The following PDE8B variants were observed in gnomAD, a reference collection of about 807,000 sequenced individuals.
PDE8B encodes the protein high affinity cAMP-specific and IBMX-insensitive 3',5'-cyclic phosphodiesterase 8B.
Under a neutral mutation model 101.3 loss-of-function variants are expected in PDE8B, and 26 were observed. That is an observed-to-expected ratio of 0.26 (90% confidence interval 0.19 to 0.36). The LOEUF (loss-of-function observed/expected upper bound fraction) is 0.36. Among genes scored for constraint, PDE8B ranks in the 10% least tolerant of loss-of-function variants. The pLI, the probability that PDE8B is intolerant of heterozygous loss-of-function variation, is 1.00. For synonymous variants in PDE8B, 424 were observed against 429.3 expected, an observed-to-expected ratio of 0.99 and a Z score of 0.15; for missense variants, 810 against 1,163.1, an observed-to-expected ratio of 0.70 and a Z score of 4.42.
intron 1 of PDE8B, among the ~76,000 whole-genome samples, chr5:77,283,339 A>G (rs555484546): frequency 3.2e-4 from 49 of 152,268 alleles, no homozygotes; most frequent in Non-Finnish European, 6.2e-4. Context: ...CAACACTGAC[A>G]ACAACATAAT....
chr5:77,330,531 T>C (rs1289094553), intron 4 of PDE8B, among the ~76,000 whole-genome samples: 2 of 152,300 alleles, frequency 1.3e-5, no homozygotes, highest in East Asian at 3.9e-4. Context: ...AAGATAGAAT[T>C]TGGAGTTCCA....
the PDE8B span, chr5:77,142,401 A>G: frequency 6.6e-6 from 1 of 152,196 alleles, no homozygotes; most frequent in Non-Finnish European, 1.5e-5. Flanking sequence ...TGGAATCTTT[A>G]CCACAATCAA....
At chr5:77,360,932 T>C (rs1341902554) in intron 10 of PDE8B, among the ~76,000 whole-genome samples, 1 of 152,242 alleles carries the variant, frequency 6.6e-6, no homozygotes, top group Non-Finnish European at 1.5e-5. Context: ...TCATACTGAC[T>C]TGTGAGAACT....
the PDE8B span, among the ~76,000 whole-genome samples, chr5:77,119,822 G>C: frequency 3.9e-5 from 6 of 151,970 alleles, no homozygotes; most frequent in South Asian, 1.2e-3. Context: ...CCAGCCTGGG[G>C]AACATAGCAA....
At chr5:77,418,775 C>G (rs908377834) in intron 18 of PDE8B, among the ~76,000 whole-genome samples, 1 of 152,162 alleles carries the variant, frequency 6.6e-6, no homozygotes, top group African/African-American at 2.4e-5. Context: ...TGTATCCACC[C>G]CCATTTTTCC....
chr5:77,295,229 C>G (rs1365855701), intron 1 of PDE8B, among the ~76,000 whole-genome samples: 7 of 152,136 alleles, frequency 4.6e-5, no homozygotes, highest in Non-Finnish European at 8.8e-5. Context: ...AAACTGGACC[C>G]TCAAATATAA....
chr5:77,367,987 A>G (rs1429508421), intron 10 of PDE8B, among the ~76,000 whole-genome samples: 1 of 152,224 alleles, frequency 6.6e-6, no homozygotes, highest in Non-Finnish European at 1.5e-5. Flanking sequence ...GTCAGGGCCA[A>G]TGAGGCTGGC....
chr5:77,336,866 G>A (rs1005759944), intron 5 of PDE8B, among the ~76,000 whole-genome samples: 15 of 152,178 alleles, frequency 9.9e-5, no homozygotes, highest in African/African-American at 3.4e-4. Context: ...TTGATAATGT[G>A]GTGCACACTG....
intron 2 of PDE8B, among the ~76,000 whole-genome samples, chr5:77,322,754 A>G (rs927031692): frequency 2.0e-5 from 3 of 152,192 alleles, no homozygotes; most frequent in African/African-American, 7.2e-5. Context: ...CGGGTTTCAC[A>G]TAGCACCTGT....
intron 5 of PDE8B, among the ~76,000 whole-genome samples, chr5:77,336,268 C>T (rs1181869011): frequency 6.6e-6 from 1 of 152,098 alleles, no homozygotes; most frequent in South Asian, 2.1e-4. Context: ...TTAGCACATA[C>T]ACAGTGTTGT....
At chr5:77,282,474 G>A (rs548022258) in intron 1 of PDE8B, among the ~76,000 whole-genome samples, 23 of 152,258 alleles carry the variant, frequency 1.5e-4, no homozygotes, top group African/African-American at 4.8e-4. Flanking sequence ...TTTGTTTGCT[G>A]ATCCTGTCAT....
chr5:77,112,126 A>C, the PDE8B span: 1 of 152,200 alleles, frequency 6.6e-6, no homozygotes, highest in Non-Finnish European at 1.5e-5. Flanking sequence ...CGTATTTTAT[A>C]TTTACAATGA....
At chr5:77,412,371 A>G in intron 16 of PDE8B, 136 bp downstream of exon 16, 1 of 830,034 alleles carries the variant, frequency 1.2e-6, no homozygotes, top group Non-Finnish European at 2.0e-6. Context: ...ATGTTAGAGT[A>G]GTGTTGAATG....
intron 2 of PDE8B, among the ~76,000 whole-genome samples, chr5:77,313,760 G>A (rs2150136581): frequency 6.6e-6 from 1 of 152,282 alleles, no homozygotes; most frequent in East Asian, 1.9e-4. Context: ...ACAAAAGATT[G>A]TGGATACTGT....
the PDE8B span, among the ~76,000 whole-genome samples, chr5:77,173,627 CT>C: frequency 0.058 from 8,822 of 151,950 alleles, 269 homozygotes; most frequent in African/African-American, 0.083. Context: ...ATATTGCCCT[CT>C]TTTTTTAATG....
intron 7 of PDE8B, among the ~76,000 whole-genome samples, chr5:77,348,674 C>G (rs1780562327): frequency 6.6e-6 from 1 of 152,092 alleles, no homozygotes. Context: ...GAATGGAGTT[C>G]TTATTTGTTC....
At chr5:77,255,853 C>T (rs191664148) in intron 1 of PDE8B, among the ~76,000 whole-genome samples, 203 of 152,302 alleles carry the variant, frequency 1.3e-3, no homozygotes, top group African/African-American at 4.3e-3. Flanking sequence ...ACAGAGGTTT[C>T]GATTCCTTGG....
chr5:77,409,122 G>A (rs1233692159), intron 14 of PDE8B, 65 bp downstream of exon 14: 1 of 1,372,006 alleles, frequency 7.3e-7, no homozygotes, highest in African/African-American at 1.4e-5. Context: ...TGCAGCTGAT[G>A]TGGAAACTGT....
chr5:77,278,064 A>G (rs895756109), intron 1 of PDE8B, among the ~76,000 whole-genome samples: 1 of 152,124 alleles, frequency 6.6e-6, no homozygotes, highest in African/African-American at 2.4e-5. Context: ...GCCTCTGCCT[A>G]CCACTCTCAG....
Sources: allele counts gnomAD v4.1 joint callset (sites outside exome capture counted in the v4.1 genomes callset), GRCh38; gene constraint gnomAD v4.1.1; transcripts MANE v1.5; gene names NCBI Gene and HGNC (gene_info 2026-07-23, HGNC 2026-07-21).